MERTK: variants seen among roughly 807,000 people sequenced by gnomAD.
MERTK encodes tyrosine-protein kinase Mer.
In MERTK, 69 loss-of-function variants were observed where a neutral mutation model predicts 99.3. The ratio of observed to expected loss-of-function variants is 0.70; its 90% CI spans 0.57 to 0.85. The LOEUF (loss-of-function observed/expected upper bound fraction) is 0.85. MERTK is among the 40% of genes least tolerant of loss of function. The probability of loss-of-function intolerance (pLI) is 0.00; values close to 1 mark genes in which losing one functional copy is unlikely to be tolerated. For synonymous variants in MERTK, 426 were observed against 467.6 expected, an observed-to-expected ratio of 0.91 and a Z score of 1.15; for missense variants, 1,125 against 1,249.4, an observed-to-expected ratio of 0.90 and a Z score of 1.50.
At chr2:111,991,716 C>T (rs114126070) in intron 8 of MERTK, among the ~76,000 whole-genome samples, 1,548 of 151,974 alleles carry the variant, frequency 0.01, 12 homozygotes, top group Non-Finnish European at 0.014. Flanking sequence ...TGTGATATTA[C>T]GATATACTGT....
At chr2:111,901,860 C>A (rs577774382) in intron 1 of MERTK, among the ~76,000 whole-genome samples, 165 of 151,784 alleles carry the variant, frequency 1.1e-3, no homozygotes, top group African/African-American at 3.8e-3. Flanking sequence ...CAGCTGAATA[C>A]AATTTTTAAA....
intron 1 of MERTK, among the ~76,000 whole-genome samples, chr2:111,911,689 CTTTTTTTTTTT>C (rs34867670): frequency 5.2e-5 from 3 of 57,730 alleles, no homozygotes; most frequent in African/African-American, 2.4e-4. Context: ...AGCGCCCAGC[CTTTTTTTTTTT>C]TTTTTTTTTT....
At chr2:112,027,643 C>T (rs1197486984) in intron 18 of MERTK, among the ~76,000 whole-genome samples, 1 of 152,128 alleles carries the variant, frequency 6.6e-6, no homozygotes, top group Non-Finnish European at 1.5e-5. Context: ...TCCCTGGCTA[C>T]CCACATGGCC....
intron 8 of MERTK, among the ~76,000 whole-genome samples, chr2:111,990,775 T>C (rs1402916980): frequency 1.3e-5 from 2 of 152,214 alleles, no homozygotes; most frequent in Non-Finnish European, 1.5e-5. Context: ...GCTCAAAAAG[T>C]TTTGGATTTT....
Position 111,947,495 on chromosome 2 carries a change from A to G in MERTK, c.685A>G (p.Ile229Val). Residue 229 changes from isoleucine (I) to valine (V), a missense_variant, in exon 4 of 19, where the codon ATT (isoleucine) becomes GTT (valine). Transcript: ENST00000295408. The stretch of plus-strand genomic sequence containing the variant: ...TGTGGGCCCGCCTGAGCCCGTCAAC[A>G]TTTTCTGGGTTCAAAACAGTAGCCG... ...QAVGPPEPVN[I>V]FWVQNSSRVN... The G allele has an allele frequency of 6.2e-7, 1 of 1,614,026 alleles. No individual in the cohort carries two copies.
At position 111,961,402 on chromosome 2, in the gene MERTK, G is replaced by A. The variant is rs2016065; in HGVS notation, c.758-3789G>A. ...GGCCTCAATCTCCTGACCTCCGCCCGCCTCAGCCTCCCAAAGTGCTGGGAT... is the reference window on the plus strand; with the variant it reads ...GGCCTCAATCTCCTGACCTCCGCCCACCTCAGCCTCCCAAAGTGCTGGGAT... On this transcript the variant is annotated intron_variant, in intron 4 of 18. Coordinates refer to ENST00000295408, the MANE Select transcript of MERTK (RefSeq NM_006343.3). 5.4e-3 allele frequency among the ~76,000 whole-genome samples: 826 copies of A among 151,748 alleles called. 8 individuals carry two copies. Among genetic ancestry groups the A allele is most frequent in the African/African-American group, 0.019 (795 of 41,388 alleles).
intron 2 of MERTK, among the ~76,000 whole-genome samples, chr2:111,933,878 C>A (rs533345297): frequency 1.1e-4 from 16 of 140,198 alleles, no homozygotes; most frequent in African/African-American, 3.4e-4. Flanking sequence ...CCAGCCCCCC[C>A]ACCCCAACAG....
intron 4 of MERTK, among the ~76,000 whole-genome samples, chr2:111,949,657 A>C (rs1265934517): frequency 6.6e-6 from 1 of 152,166 alleles, no homozygotes; most frequent in Non-Finnish European, 1.5e-5. Flanking sequence ...GAGTTTTCCT[A>C]AGTGTAGACA....
At chr2:111,995,821 G>A (rs775820554) in intron 9 of MERTK, among the ~76,000 whole-genome samples, 8 of 152,134 alleles carry the variant, frequency 5.3e-5, no homozygotes, top group South Asian at 2.1e-4. Context: ...TTAGCAGGGT[G>A]TGGTGGCATG....
chr2:111,917,306 A>T (rs1684369437), intron 1 of MERTK, among the ~76,000 whole-genome samples: 1 of 152,088 alleles, frequency 6.6e-6, no homozygotes, highest in Non-Finnish European at 1.5e-5. Flanking sequence ...CACTTGTAGT[A>T]CTTCTCTATA....
intron 1 of MERTK, among the ~76,000 whole-genome samples, chr2:111,911,093 G>A (rs1684239111): frequency 6.6e-6 from 1 of 152,148 alleles, no homozygotes; most frequent in Non-Finnish European, 1.5e-5. Context: ...GCCAGGAAGA[G>A]TGGCAAGTCA....
Position 111,944,977 on chromosome 2 carries a change from G to C in MERTK, c.500G>C (p.Arg167Pro). ...CTTTGCAGCATAACCAGTGTGCAGC[G>C]TTCAGACAATGGGTCGTATATCTGT... ...IASFSITSVQ[R>P]SDNGSYICKM... The change falls in exon 3 of 19, where the codon CGT becomes CCT. Residue 167 changes from arginine (R) to proline (P), a missense_variant. By Grantham distance (103) the Arg-to-Pro change is moderately radical (BLOSUM62 -2). Transcript: ENST00000295408. 6.2e-7 allele frequency: 1 copy of C among 1,613,456 alleles called. No homozygotes were observed. The highest frequency in any genetic ancestry group is 8.5e-7 in the Non-Finnish European group (1 of 1,179,656).
At chr2:112,019,792 C>T (rs535843005) in intron 16 of MERTK, among the ~76,000 whole-genome samples, 1 of 152,294 alleles carries the variant, frequency 6.6e-6, no homozygotes, top group African/African-American at 2.4e-5. Context: ...AAGGTGTGAC[C>T]CTTGTGATCC....
intron 5 of MERTK, 30 bp from the exon 6 acceptor site, chr2:111,968,107 A>ATGTGTGTGTGTGTGTATGTGTG: frequency 2.4e-6 from 3 of 1,258,056 alleles, no homozygotes; most frequent in Non-Finnish European, 3.5e-6. Context: ...TTGTGTGTGT[A>ATGTGTGTGTGTGTGTATGTGTG]TGTGTGTGTG....
chr2:112,013,040 CCT>C (rs1677139398), intron 15 of MERTK, among the ~76,000 whole-genome samples: 1 of 151,978 alleles, frequency 6.6e-6, no homozygotes, highest in Non-Finnish European at 1.5e-5. Flanking sequence ...TTTTTTTCCC[CCT>C]TTTACTCTTT....
chr2:111,984,968 A>G (rs1331070545), intron 8 of MERTK, among the ~76,000 whole-genome samples: 5 of 152,212 alleles, frequency 3.3e-5, no homozygotes, highest in Non-Finnish European at 7.3e-5. Context: ...GAGCATCAAT[A>G]TGTCAGGTAA....
chr2:111,981,270 T>G (rs1472100224), intron 7 of MERTK, among the ~76,000 whole-genome samples: 2 of 152,350 alleles, frequency 1.3e-5, no homozygotes, highest in Middle Eastern at 3.4e-3. Flanking sequence ...TATAGAAGGT[T>G]TATTGTTTTA....
chr2:111,903,873 T>C (rs2104658376), intron 1 of MERTK, among the ~76,000 whole-genome samples: 1 of 152,318 alleles, frequency 6.6e-6, no homozygotes, highest in Middle Eastern at 3.4e-3. Context: ...TTATTACCAA[T>C]GGTTCTCCTC....
At chr2:111,986,750 C>T (rs768610869) in intron 8 of MERTK, among the ~76,000 whole-genome samples, 9 of 152,206 alleles carry the variant, frequency 5.9e-5, no homozygotes, top group Non-Finnish European at 1.0e-4. Context: ...CACTTACCTC[C>T]TTAGGGATGC....
Sources: gnomAD v4.1 joint callset for allele counts (sites outside exome capture counted in the v4.1 genomes callset) on GRCh38, gnomAD v4.1.1 for gene constraint, MANE v1.5 for transcripts, NCBI Gene and HGNC (gene_info 2026-07-23, HGNC 2026-07-21) for gene names.